The following TRIO variants were observed in gnomAD, a reference collection of about 807,000 sequenced individuals.
The protein encoded by TRIO is trio Rho guanine nucleotide exchange factor, also known as triple functional domain protein.
In TRIO, 58 loss-of-function variants were observed where a neutral mutation model predicts 351.9. The ratio of observed to expected loss-of-function variants is 0.16; its 90% CI spans 0.13 to 0.21. TRIO has a LOEUF of 0.21. TRIO is among the 10% of genes least tolerant of loss of function. The pLI, the probability that TRIO is intolerant of heterozygous loss-of-function variation, is 1.00. For synonymous variants in TRIO, 1,758 were observed against 1,595.7 expected (o/e 1.10, Z -2.42); for missense variants, 3,201 against 4,027.8 (o/e 0.79, Z 5.56).
chr5:14,418,317 T>G (rs1451978419), intron 33 of TRIO, among the ~76,000 whole-genome samples: 2 of 152,076 alleles, frequency 1.3e-5, no homozygotes, highest in Non-Finnish European at 2.9e-5. Context: ...TGACGTGTTT[T>G]TAGAAGGTCT....
chr5:14,246,115 A>C (rs767025087), intron 1 of TRIO, among the ~76,000 whole-genome samples: 7 of 152,312 alleles, frequency 4.6e-5, no homozygotes, highest in Non-Finnish European at 7.4e-5. Flanking sequence ...CATTTCTTCT[A>C]TCTGATAAAC....
intron 20 of TRIO, among the ~76,000 whole-genome samples, chr5:14,379,103 G>A (rs1404234100): frequency 6.6e-6 from 1 of 152,164 alleles, no homozygotes; most frequent in Non-Finnish European, 1.5e-5. Flanking sequence ...TGGGGGGTCT[G>A]GAGGGAAGCA....
At chr5:14,472,156 CAG>C (rs1358250576) in intron 38 of TRIO, among the ~76,000 whole-genome samples, 1 of 152,242 alleles carries the variant, frequency 6.6e-6, no homozygotes, top group Non-Finnish European at 1.5e-5. Flanking sequence ...ATGTAACAAA[CAG>C]AAATACTTGT....
chr5:14,280,255 A>G (rs1735881814), intron 2 of TRIO, 67 bp from the exon 3 acceptor site: 2 of 1,464,474 alleles, frequency 1.4e-6, no homozygotes, highest in Non-Finnish European at 1.9e-6. Context: ...GACAGAGTGA[A>G]TGGATGATAA....
chr5:14,434,711 A>G (rs1485116088), intron 34 of TRIO, among the ~76,000 whole-genome samples: 1 of 152,338 alleles, frequency 6.6e-6, no homozygotes, highest in Non-Finnish European at 1.5e-5. Context: ...TTAATAGTCA[A>G]TTAAGAATCC....
chr5:14,270,942 C>T (rs1158643736), intron 2 of TRIO, 43 bp downstream of exon 2: 1 of 1,404,300 alleles, frequency 7.1e-7, no homozygotes, highest in African/African-American at 1.4e-5. Context: ...ACTGCTCTGA[C>T]ACAATTTCAG....
rs529200026 is a variant in TRIO, at chr5:14,394,852, TTTATA to T, written c.4311+729_4311+733del. On this transcript the variant is annotated intron_variant, in intron 28 of 56. Coordinates refer to ENST00000344204, the MANE Select transcript of TRIO (RefSeq NM_007118.4). ...GAGTTGTCACAAAATGTATTTTATT[TTTATA>T]TTATATATCATCAATACACATTTTC... Among the ~76,000 whole-genome samples the T allele has an allele frequency of 4.1e-3, 622 of 152,324 alleles. 6 individuals are homozygous for T. The highest frequency in any genetic ancestry group is 0.014 in the African/African-American group (584 of 41,568).
At chr5:14,391,257 A>G (rs753393698) in intron 27 of TRIO, among the ~76,000 whole-genome samples, 5 of 152,170 alleles carry the variant, frequency 3.3e-5, no homozygotes, top group Non-Finnish European at 4.4e-5. Flanking sequence ...TGTATATGTT[A>G]TTATTTATAT....
intron 11 of TRIO, among the ~76,000 whole-genome samples, chr5:14,337,636 C>T (rs1024056329): frequency 6.6e-6 from 1 of 152,146 alleles, no homozygotes; most frequent in Non-Finnish European, 1.5e-5. Context: ...AGGGCGAGGC[C>T]TGACTTGCCT....
At chr5:14,317,924 C>T (rs1204695181) in intron 9 of TRIO, among the ~76,000 whole-genome samples, 1 of 151,906 alleles carries the variant, frequency 6.6e-6, no homozygotes, top group Non-Finnish European at 1.5e-5. Context: ...GTCAGGAATT[C>T]GAGACGAGCC....
intron 1 of TRIO, among the ~76,000 whole-genome samples, chr5:14,179,065 G>A (rs997011103): frequency 2.0e-5 from 3 of 152,170 alleles, no homozygotes; most frequent in Admixed American, 1.3e-4. Context: ...GGACTGGAGG[G>A]TGGTGAGAAA....
intron 15 of TRIO, among the ~76,000 whole-genome samples, chr5:14,365,788 A>C (rs1253109426): frequency 6.6e-6 from 1 of 152,222 alleles, no homozygotes; most frequent in Non-Finnish European, 1.5e-5. Context: ...CCCATGATAC[A>C]TTAGGCTGAG....
At chr5:14,347,954 C>G (rs759518833) in intron 11 of TRIO, among the ~76,000 whole-genome samples, 1 of 152,216 alleles carries the variant, frequency 6.6e-6, no homozygotes, top group Non-Finnish European at 1.5e-5. Context: ...GAGTAAGAAT[C>G]ACATAGGTGG....
intron 11 of TRIO, among the ~76,000 whole-genome samples, chr5:14,342,697 G>A (rs1742049251): frequency 6.6e-6 from 1 of 152,190 alleles, no homozygotes; most frequent in African/African-American, 2.4e-5. Flanking sequence ...GGCCTTCCTG[G>A]AAGTATTTTT....
At chr5:14,475,950 T>A (rs1356750406) in intron 40 of TRIO, among the ~76,000 whole-genome samples, 1 of 152,236 alleles carries the variant, frequency 6.6e-6, no homozygotes, top group Non-Finnish European at 1.5e-5. Context: ...GCTGGACATA[T>A]ATCTTAAAAG....
rs201908582 is a variant in TRIO, at chr5:14,507,926, A to G, written c.8798A>G (p.Lys2933Arg). Reference sequence around the variant, plus strand: ...GAGAGTTTAGCCAAGCCAACCATCAAACTGGCTGACTTTGGAGATGCTGTT... The same window carrying G: ...GAGAGTTTAGCCAAGCCAACCATCAGACTGGCTGACTTTGGAGATGCTGTT... The part of the protein sequence containing the change: ...VDESLAKPTI[K>R]LADFGDAVQL... The change falls in exon 57 of 57, where the codon AAA becomes AGA. Residue 2933 changes from lysine to arginine, a missense_variant. By Grantham distance (26) the Lys-to-Arg change is conservative. Transcript: ENST00000344204. 8.1e-6 allele frequency: 13 copies of G among 1,614,176 alleles called. 1 individual carries two copies. Among genetic ancestry groups the G allele is most frequent in the Middle Eastern group, 1.7e-4 (1 of 6,060 alleles).
intron 53 of TRIO, among the ~76,000 whole-genome samples, chr5:14,502,097 T>C (rs755614857): frequency 1.3e-5 from 2 of 152,184 alleles, no homozygotes; most frequent in African/African-American, 2.4e-5. Context: ...AAGTAAATAC[T>C]GTGGACTCTT....
intron 36 of TRIO, 123 bp downstream of exon 36, chr5:14,463,048 T>C (rs1439563495): frequency 7.9e-7 from 1 of 1,264,304 alleles, no homozygotes. Flanking sequence ...AAAAGGGCAA[T>C]GCAGTGCTCT....
At chr5:14,501,460 G>A (rs974778290) in intron 53 of TRIO, among the ~76,000 whole-genome samples, 1 of 152,206 alleles carries the variant, frequency 6.6e-6, no homozygotes, top group African/African-American at 2.4e-5. Flanking sequence ...GATCAGACAC[G>A]GGTTCACTTG....
Sources: allele counts gnomAD v4.1 joint callset (sites outside exome capture counted in the v4.1 genomes callset), GRCh38; gene constraint gnomAD v4.1.1; transcripts MANE v1.5; gene names NCBI Gene and HGNC (gene_info 2026-07-23, HGNC 2026-07-21).